INVS: variants seen among roughly 807,000 people sequenced by gnomAD.
INVS encodes the protein inversin, also known as inversion of embryo turning homolog.
In INVS, 86 loss-of-function variants were observed where a neutral mutation model predicts 108.8. The observed-to-expected ratio is 0.79, with a 90% CI of 0.66 to 0.95. The LOEUF (loss-of-function observed/expected upper bound fraction) is 0.95. Ranked by LOEUF, INVS falls within the 40% of genes least tolerant of loss-of-function variation. The pLI is 0.00. For missense variants in INVS, 1,169 were observed against 1,297.4 expected, an observed-to-expected ratio of 0.90 and a Z score of 1.52; for synonymous variants, 455 against 473.5, an observed-to-expected ratio of 0.96 and a Z score of 0.51.
At chr9:100,216,329 AC>A (rs11322199) in intron 3 of INVS, among the ~76,000 whole-genome samples, 2,076 of 152,232 alleles carry the variant, frequency 0.014, 37 homozygotes, top group African/African-American at 0.048. Context: ...ACTGGTCATT[AC>A]CACTCAGTCT....
intron 3 of INVS, among the ~76,000 whole-genome samples, chr9:100,153,667 A>G (rs1828878902): frequency 6.6e-6 from 1 of 152,170 alleles, no homozygotes; most frequent in Non-Finnish European, 1.5e-5. Flanking sequence ...TAAGGAAGGA[A>G]ATTTATTTCT....
At chr9:100,139,901 C>T (rs1172216563) in intron 3 of INVS, among the ~76,000 whole-genome samples, 1 of 152,138 alleles carries the variant, frequency 6.6e-6, no homozygotes, top group Non-Finnish European at 1.5e-5. Context: ...CCTTGGCCCA[C>T]CAAAATGTTA....
chr9:100,126,278 C>T lies in INVS; in HGVS notation c.107-105C>T, dbSNP rs936604444. The T allele has an allele frequency of 4.7e-5, 42 of 894,664 alleles. 1 individual carries two copies. The East Asian group carries it at 6.3e-4, about 14-fold the overall frequency. The allele number at this position is 894,664 out of a possible 1,614,324, so 55.4% of individuals were successfully genotyped here. ...GGACAAGTAAAAATAAGATGATATACTTAAGCATTTAGCACAATGTTTGAT... is the reference window on the plus strand; with the variant it reads ...GGACAAGTAAAAATAAGATGATATATTTAAGCATTTAGCACAATGTTTGAT... On this transcript the variant is annotated intron_variant, in intron 2 of 16. Transcript: ENST00000262457.
At chr9:100,252,709 C>T (rs1832276593) in intron 9 of INVS, among the ~76,000 whole-genome samples, 198 bp from the exon 10 acceptor site, 1 of 152,090 alleles carries the variant, frequency 6.6e-6, no homozygotes, top group Non-Finnish European at 1.5e-5. Flanking sequence ...AATTTACAAG[C>T]TTATTGTAAA....
At chr9:100,151,485 T>A (rs1484543189) in intron 3 of INVS, among the ~76,000 whole-genome samples, 1 of 151,480 alleles carries the variant, frequency 6.6e-6, no homozygotes, top group Non-Finnish European at 1.5e-5. Flanking sequence ...TCTAAAAAAA[T>A]AATAATAAAT....
At chr9:100,165,041 G>T (rs1829317738) in intron 3 of INVS, among the ~76,000 whole-genome samples, 1 of 150,726 alleles carries the variant, frequency 6.6e-6, no homozygotes, top group South Asian at 2.1e-4. Flanking sequence ...TGTATTTCCT[G>T]TAAATTAGCT....
chr9:100,273,527 CTTTT>C (rs58458085), intron 12 of INVS, among the ~76,000 whole-genome samples: 414 of 96,136 alleles, frequency 4.3e-3, no homozygotes, highest in Admixed American at 0.029. Flanking sequence ...CCACTCAGTT[CTTTT>C]TTTTTTTTTT....
At chr9:100,185,336 A>G (rs1346895242) in intron 3 of INVS, among the ~76,000 whole-genome samples, 1 of 151,732 alleles carries the variant, frequency 6.6e-6, no homozygotes, top group Non-Finnish European at 1.5e-5. Flanking sequence ...GACATAAAAC[A>G]TTTAGGCAAC....
intron 3 of INVS, among the ~76,000 whole-genome samples, chr9:100,203,979 T>C (rs1212089209): frequency 6.6e-6 from 1 of 152,180 alleles, no homozygotes; most frequent in African/African-American, 2.4e-5. Context: ...TCATAATCAT[T>C]TGATCCCAAT....
chr9:100,298,252 A>G (rs1382801207), intron 16 of INVS: 1 of 1,398,814 alleles, frequency 7.1e-7, no homozygotes, highest in Non-Finnish European at 9.3e-7. Flanking sequence ...GCTATTATTG[A>G]TCACTTTTAC....
rs781645386 is a variant in INVS, at chr9:100,292,867, C to G, written c.2610C>G (p.Asp870Glu). The G allele has an allele frequency of 1.2e-6, 2 of 1,614,056 alleles. No individual in the cohort carries two copies. The highest frequency in any genetic ancestry group is 1.7e-6 in the Non-Finnish European group (2 of 1,180,052). ...RRLETSTLSE[D>E]FQVSKETDPA... is the part of the protein sequence containing the mutation. Reference sequence around the variant, plus strand: ...TGGAGACATCTACCCTGTCCGAGGACTTTCAGGTATCTAAGGAGACTGATC... The same window carrying G: ...TGGAGACATCTACCCTGTCCGAGGAGTTTCAGGTATCTAAGGAGACTGATC... The change falls in exon 14 of 17, where the codon GAC (aspartate) becomes GAG (glutamate). Residue 870 changes from aspartate to glutamate, a missense_variant. Coordinates refer to ENST00000262457, the MANE Select transcript of INVS (RefSeq NM_014425.5).
intron 2 of INVS, among the ~76,000 whole-genome samples, chr9:100,115,651 T>C (rs967310251): frequency 5.3e-5 from 8 of 152,244 alleles, no homozygotes; most frequent in African/African-American, 7.2e-5. Context: ...TGCATAGTAT[T>C]CCATGGTGTA....
chr9:100,267,327 A>G (rs2118641650), intron 11 of INVS, among the ~76,000 whole-genome samples: 1 of 152,362 alleles, frequency 6.6e-6, no homozygotes, highest in East Asian at 1.9e-4. Context: ...AAAAAGAGAC[A>G]GTGGCAATAA....
intron 3 of INVS, among the ~76,000 whole-genome samples, chr9:100,182,505 C>T (rs542414519): frequency 9.9e-5 from 15 of 152,032 alleles, no homozygotes; most frequent in East Asian, 9.7e-4. Context: ...GACATTATTG[C>T]GGCCAACAAA....
chr9:100,149,498 A>T (rs1190440617), intron 3 of INVS, among the ~76,000 whole-genome samples: 1 of 152,194 alleles, frequency 6.6e-6, no homozygotes, highest in Admixed American at 6.5e-5. Flanking sequence ...CAACTTCTGG[A>T]GTTTTTAAAC....
At chr9:100,145,826 G>A (rs575580953) in intron 3 of INVS, among the ~76,000 whole-genome samples, 38 of 152,252 alleles carry the variant, frequency 2.5e-4, no homozygotes, top group South Asian at 2.1e-3. Flanking sequence ...GATAAAACGC[G>A]TCTCCTGTCT....
At chr9:100,271,130 C>T (rs975130960) in intron 11 of INVS, among the ~76,000 whole-genome samples, 1 of 152,170 alleles carries the variant, frequency 6.6e-6, no homozygotes, top group East Asian at 1.9e-4. Context: ...GCCTCTGAGA[C>T]AGCTAGTTTT....
chr9:100,247,050 A>G (rs1040603210), intron 8 of INVS, among the ~76,000 whole-genome samples: 3 of 151,878 alleles, frequency 2.0e-5, no homozygotes, highest in Admixed American at 2.0e-4. Flanking sequence ...CTTAGACATG[A>G]TTATGGGGAC....
At chr9:100,266,198 C>A (rs903473081) in intron 11 of INVS, among the ~76,000 whole-genome samples, 1 of 152,114 alleles carries the variant, frequency 6.6e-6, no homozygotes, top group Non-Finnish European at 1.5e-5. Context: ...CACTTCCATA[C>A]CTGAGGTCCT....
Sources: allele counts gnomAD v4.1 joint callset (sites outside exome capture counted in the v4.1 genomes callset), GRCh38; gene constraint gnomAD v4.1.1; transcripts MANE v1.5; gene names NCBI Gene and HGNC (gene_info 2026-07-23, HGNC 2026-07-21).